TEF: variants seen among roughly 807,000 people sequenced by gnomAD.
TEF encodes the protein TEF transcription factor, PAR bZIP family member.
Under a neutral mutation model 20.8 loss-of-function variants are expected in TEF, and 3 were observed. The observed-to-expected ratio is 0.14, with a 90% CI of 0.07 to 0.37. The LOEUF is 0.37. Ranked by LOEUF, TEF falls within the 10% of genes least tolerant of loss-of-function variation. TEF has a pLI of 1.00. For synonymous variants in TEF, 180 were observed against 171.1 expected, an observed-to-expected ratio of 1.05 and a Z score of -0.41; for missense variants, 296 against 397.9, an observed-to-expected ratio of 0.74 and a Z score of 2.18.
chr22:41,381,756 C>T (rs557773768), upstream of TEF, among the ~76,000 whole-genome samples: 1 of 152,038 alleles, frequency 6.6e-6, no homozygotes, highest in Non-Finnish European at 1.5e-5. Context: ...CCGCACGTGT[C>T]TATCTTATCC....
intron 2 of TEF, among the ~76,000 whole-genome samples, chr22:41,389,276 C>T (rs1220310389): frequency 2.0e-5 from 3 of 152,018 alleles, no homozygotes; most frequent in Non-Finnish European, 2.9e-5. Context: ...TGGCGGGTGC[C>T]TATAGTGCCA....
intron 2 of TEF, among the ~76,000 whole-genome samples, chr22:41,392,136 A>G (rs2037174317): frequency 6.6e-6 from 1 of 152,170 alleles, no homozygotes; most frequent in Non-Finnish European, 1.5e-5. Context: ...GAGCTGGCCA[A>G]AGGTATAGTT....
chr22:41,383,695 A>G (rs2037062548), intron 1 of TEF, among the ~76,000 whole-genome samples: 1 of 152,202 alleles, frequency 6.6e-6, no homozygotes, highest in Non-Finnish European at 1.5e-5. Context: ...TTTATCTCTT[A>G]CAATTTAAAA....
chr22:41,369,127 G>C (rs1569249663), intron 1 of TEF: 2 of 985,288 alleles, frequency 2.0e-6, no homozygotes, highest in Non-Finnish European at 2.4e-6. Context: ...CAGTGGGGCA[G>C]GGAGGATTCT....
At chr22:41,386,623 TC>T (rs1441391268) in intron 1 of TEF, among the ~76,000 whole-genome samples, 2 of 149,494 alleles carry the variant, frequency 1.3e-5, no homozygotes, top group African/African-American at 5.0e-5. Context: ...GCTCCTGTAA[TC>T]CCAGTTTACT....
At chr22:41,374,409 G>C (rs779547871) in intron 1 of TEF, among the ~76,000 whole-genome samples, 1 of 151,982 alleles carries the variant, frequency 6.6e-6, no homozygotes, top group Non-Finnish European at 1.5e-5. Flanking sequence ...AAAATTAGCC[G>C]GGCGTGGTGG....
intron 1 of TEF, among the ~76,000 whole-genome samples, chr22:41,383,755 A>G (rs1311282442): frequency 6.6e-6 from 1 of 152,258 alleles, no homozygotes; most frequent in Non-Finnish European, 1.5e-5. Flanking sequence ...TGCTTAGGCC[A>G]GGCAAAACCT....
chr22:41,380,928 G>A (rs539403442), upstream of TEF, among the ~76,000 whole-genome samples: 2 of 152,350 alleles, frequency 1.3e-5, no homozygotes, highest in Admixed American at 6.5e-5. Flanking sequence ...GTTTGGGACT[G>A]TGGAGATTCT....
At chr22:41,367,578 C>G (rs1285772005) in exon 1 of TEF, 4 of 1,551,274 alleles carry the variant, frequency 2.6e-6, no homozygotes. Flanking sequence ...GCACTCTCTG[C>G]CTTGGCCAGA....
intron 1 of TEF, among the ~76,000 whole-genome samples, chr22:41,383,825 C>T (rs1273476461): frequency 3.3e-5 from 5 of 152,210 alleles, no homozygotes. Flanking sequence ...CCTTCTCCTG[C>T]CTCCTTTGAT....
At chr22:41,379,818 G>C (rs2036991603), upstream of TEF, among the ~76,000 whole-genome samples, 1 of 147,608 alleles carries the variant, frequency 6.8e-6, no homozygotes, top group African/African-American at 2.5e-5. Flanking sequence ...GCTTGAACCT[G>C]GGAGGCGGAG....
At chr22:41,381,846 G>A (rs1569254371), upstream of TEF, 2 of 1,210,084 alleles carry the variant, frequency 1.7e-6, no homozygotes. Context: ...AACGATCCGG[G>A]GAAGCTGGCC....
In TEF at chr22:41,373,626, C is replaced by T. The variant is rs377512734; in HGVS notation, c.67+6027C>T. The stretch of plus-strand genomic sequence containing the variant: ...CTGGGATTATGGGCGCCCACCACCA[C>T]GCCCAGATAATTTTTGTATTTTTAG... On this transcript the variant is annotated intron_variant, in intron 1 of 3. Coordinates refer to the TEF transcript ENST00000406644. 6.4e-4 allele frequency among the ~76,000 whole-genome samples: 98 copies of T among 152,100 alleles called. 2 individuals are homozygous for T. The Middle Eastern group carries it at 0.024, about 37-fold the overall frequency.
rs575809638 is a variant in TEF, at chr22:41,396,192, A to T, written c.*232A>T. 1.9e-6 allele frequency: 1 copy of T among 514,248 alleles called. No homozygotes were observed. Among genetic ancestry groups the T allele is most frequent in the African/African-American group, 1.9e-5 (1 of 52,310 alleles). 31.9% of individuals were successfully genotyped at this position (514,248 alleles called of 1,614,324 possible). A position where few individuals can be genotyped will look rare whatever the true frequency, so the allele number is the denominator to read the frequency against. ...GGGGAACGCAAGAGAATCTGCGTAG[A>T]TGGGTGACTCAGCCTTAGTTTCTAT... is the stretch of plus-strand genomic sequence containing the variant. On this transcript the variant is annotated 3_prime_UTR_variant, in exon 4 of 4. Transcript: ENST00000266304.
chr22:41,387,178 C>T lies in TEF; in HGVS notation c.158-173C>T, dbSNP rs541088312. On this transcript the variant is annotated intron_variant, in intron 1 of 3. Transcript: ENST00000266304. ...GATGCCGTGTCTAAAGGAAAACAGC[C>T]GGCCTGGTTCAAGTGCGAGATTCGA... is the stretch of plus-strand genomic sequence containing the variant. 5.3e-5 allele frequency among the ~76,000 whole-genome samples: 8 copies of T among 152,240 alleles called. No homozygotes were observed. The South Asian group carries it at 6.2e-4, about 12-fold the overall frequency.
At chr22:41,392,670 C>CAAAAAAA (rs920294546) in intron 2 of TEF, among the ~76,000 whole-genome samples, 7 of 39,328 alleles carry the variant, frequency 1.8e-4, no homozygotes, top group South Asian at 9.7e-4. Flanking sequence ...TGAGACTCTT[C>CAAAAAAA]AAAAAAAAAA....
chr22:41,390,066 A>T (rs2037147933), intron 2 of TEF, among the ~76,000 whole-genome samples: 1 of 151,742 alleles, frequency 6.6e-6, no homozygotes, highest in African/African-American at 2.4e-5. Flanking sequence ...CTCCTGGCTT[A>T]TTTTTGTAGA....
chr22:41,368,155 AGG>A (rs1361474309), intron 1 of TEF, among the ~76,000 whole-genome samples: 4 of 152,094 alleles, frequency 2.6e-5, no homozygotes, highest in Non-Finnish European at 5.9e-5. Flanking sequence ...GGGAGGAGAG[AGG>A]AGGGCGTGGA....
chr22:41,397,211 C>G lies in TEF; in HGVS notation c.*1251C>G, dbSNP rs556476809. ...CCTAGGGTCCCCTCAGTCTTGGTCC[C>G]AGGAGATGGGGGCCACTCGTGAGGC... On this transcript the variant is annotated 3_prime_UTR_variant, in exon 4 of 4. Coordinates refer to ENST00000266304, the MANE Select transcript of TEF (RefSeq NM_003216.4). 1 of 397,982 alleles carries G rather than the reference C, an allele frequency of 2.5e-6. No homozygotes were observed. The highest frequency in any genetic ancestry group is 2.1e-5 in the African/African-American group (1 of 48,626). The allele number at this position is 397,982 out of a possible 1,614,324, so 24.7% of individuals were successfully genotyped here. A position where few individuals can be genotyped will look rare whatever the true frequency, so the allele number is the denominator to read the frequency against.
Sources: allele counts gnomAD v4.1 joint callset (sites outside exome capture counted in the v4.1 genomes callset), GRCh38; gene constraint gnomAD v4.1.1; transcripts MANE v1.5; gene names NCBI Gene and HGNC (gene_info 2026-07-23, HGNC 2026-07-21).